The following PYCR3 variants were observed in gnomAD, a reference collection of about 807,000 sequenced individuals.
PYCR3 encodes pyrroline-5-carboxylate reductase 3.
Under a neutral mutation model 23.4 loss-of-function variants are expected in PYCR3, and 26 were observed. The observed-to-expected ratio is 1.11, with a 90% CI of 0.81 to 1.54. The LOEUF (loss-of-function observed/expected upper bound fraction) is 1.54, where lower values mean the gene tolerates loss of function less well. PYCR3 is among the 40% of genes most tolerant of loss of function. The pLI, the probability that PYCR3 is intolerant of heterozygous loss-of-function variation, is 0.00. For missense variants in PYCR3, 360 were observed against 376.3 expected (o/e 0.96, Z 0.36); for synonymous variants, 194 against 162.6 (o/e 1.19, Z -1.47).
Position 143,603,382 on chromosome 8 carries a change from C to T in PYCR3, c.*2318G>A, listed in dbSNP as rs567410630. Among the ~76,000 whole-genome samples, 1 of 152,300 alleles carries T rather than the reference C, an allele frequency of 6.6e-6. No homozygotes were observed. The highest frequency in any genetic ancestry group is 2.1e-4 in the South Asian group (1 of 4,816). ...TTTCTGTCTTGAAGAACAGTTTTCACCTGGAAGTAGAAGGCACAGGGGAGG... is the reference window on the plus strand; with the variant it reads ...TTTCTGTCTTGAAGAACAGTTTTCATCTGGAAGTAGAAGGCACAGGGGAGG... On this transcript the variant is annotated 3_prime_UTR_variant, in exon 6 of 6. Transcript: ENST00000495276.
intron 2 of PYCR3, among the ~76,000 whole-genome samples, chr8:143,607,705 C>T (rs1385328370): frequency 1.3e-5 from 2 of 152,098 alleles, no homozygotes; most frequent in Non-Finnish European, 2.9e-5. Flanking sequence ...CACTGACATA[C>T]ATGCACTCAC....
At chr8:143,608,451 G>A in intron 1 of PYCR3, 2 of 414,952 alleles carry the variant, frequency 4.8e-6, no homozygotes, top group Non-Finnish European at 8.8e-6. Flanking sequence ...AGTACCTCTG[G>A]AGGAACACCA....
In PYCR3 at chr8:143,605,374, C is replaced by T. The variant is rs530095378; in HGVS notation, c.*326G>A. The T allele has an allele frequency of 5.8e-5, 24 of 413,152 alleles. No individual in the cohort carries two copies. The highest frequency in any genetic ancestry group is 9.7e-5 in the Non-Finnish European group (22 of 226,670). 25.6% of individuals were successfully genotyped at this position (413,152 alleles called of 1,614,324 possible). ...AAGTTCTGTTCATGGCCTCAACCAA[C>T]TGCCCAACCATGCGGGCAAATGACC... On this transcript the variant is annotated 3_prime_UTR_variant, in exon 6 of 6. Coordinates refer to ENST00000495276, the MANE Select transcript of PYCR3 (RefSeq NM_023078.6).
In PYCR3 at chr8:143,604,939, C is replaced by T. The variant is rs574404534; in HGVS notation, c.*761G>A. 99 of 509,160 alleles carry T rather than the reference C, an allele frequency of 1.9e-4. No individual in the cohort carries two copies. The highest frequency in any genetic ancestry group is 2.8e-4 in the Non-Finnish European group (71 of 255,614). The allele number at this position is 509,160 out of a possible 1,614,324, so 31.5% of individuals were successfully genotyped here. On this transcript the variant is annotated 3_prime_UTR_variant, in exon 6 of 6. Coordinates refer to ENST00000495276, the MANE Select transcript of PYCR3 (RefSeq NM_023078.6). ...CTTAGGATTGGGAGGAAAGAGGGAGCCTGTATCCAGACTAAAGCCAGGGGT... is the reference window on the plus strand; with the variant it reads ...CTTAGGATTGGGAGGAAAGAGGGAGTCTGTATCCAGACTAAAGCCAGGGGT...
chr8:143,607,840 CACAT>C (rs1172733024), intron 2 of PYCR3, among the ~76,000 whole-genome samples: 1 of 152,184 alleles, frequency 6.6e-6, no homozygotes, highest in Non-Finnish European at 1.5e-5. Flanking sequence ...CATGCACTCA[CACAT>C]GCATACACAC....
At chr8:143,607,940 A>C in intron 2 of PYCR3, 122 bp downstream of exon 2, 1 of 736,934 alleles carries the variant, frequency 1.4e-6, no homozygotes, top group Non-Finnish European at 2.3e-6. Context: ...CAGACCAGCC[A>C]GTCTGCAAAC....
intron 2 of PYCR3, among the ~76,000 whole-genome samples, chr8:143,607,576 A>G (rs931588687): frequency 3.8e-4 from 58 of 152,202 alleles, no homozygotes; most frequent in African/African-American, 1.3e-3. Flanking sequence ...ATACACGCAC[A>G]CACGCACTCA....
At position 143,609,524 on chromosome 8, in the gene PYCR3, G is replaced by C. The variant is rs560080360; in HGVS notation, c.25C>G (p.Arg9Gly). MAAAEPSP[R>G]RVGFVGAGRM... is the part of the protein sequence containing the mutation. ...CCCGCGCCCACGAAGCCCACGCGCC[G>C]CGGAGACGGCTCCGCAGCTGCCATC... Residue 9 changes from arginine to glycine, a missense_variant, in exon 1 of 6, where the codon CGG becomes GGG. Arg to Gly is a moderately radical substitution (Grantham distance 125). Coordinates refer to ENST00000495276, the MANE Select transcript of PYCR3 (RefSeq NM_023078.6). 6.6e-7 allele frequency: 1 copy of C among 1,513,878 alleles called. No individual in the cohort carries two copies. Among genetic ancestry groups the C allele is most frequent in the Non-Finnish European group, 8.8e-7 (1 of 1,138,664 alleles). 93.8% of individuals were successfully genotyped at this position (1,513,878 alleles called of 1,614,324 possible).
Position 143,605,544 on chromosome 8 carries a change from G to C in PYCR3, c.*156C>G. On this transcript the variant is annotated 3_prime_UTR_variant, in exon 6 of 6. Coordinates refer to ENST00000495276, the MANE Select transcript of PYCR3 (RefSeq NM_023078.6). ...CTGGTCGGGGCTCCCCCGCCTGCTG[G>C]AACCTCCCAAGTCCTGCCCCCTGCA... The C allele has an allele frequency of 2.8e-6, 2 of 719,244 alleles. No individual in the cohort carries two copies. The highest frequency in any genetic ancestry group is 4.4e-6 in the Non-Finnish European group (2 of 449,814). The allele number at this position is 719,244 out of a possible 1,614,324, so 44.6% of individuals were successfully genotyped here.
In PYCR3 at chr8:143,604,224, A is replaced by G. The variant is rs1288402798; in HGVS notation, c.*1476T>C. ...TGGTTTTATCCACCTCTGGTGAAAC[A>G]TGAGCTCACTTGGTGCTCTCTGGCC... is the stretch of plus-strand genomic sequence containing the variant. On this transcript the variant is annotated 3_prime_UTR_variant, in exon 6 of 6. Coordinates refer to ENST00000495276, the MANE Select transcript of PYCR3 (RefSeq NM_023078.6). The G allele has an allele frequency of 6.6e-6, 1 of 152,236 alleles. No individual in the cohort carries two copies. The highest frequency in any genetic ancestry group is 1.5e-5 in the Non-Finnish European group (1 of 68,098). 9.4% of individuals were successfully genotyped at this position (152,236 alleles called of 1,614,324 possible). A position where few individuals can be genotyped will look rare whatever the true frequency, so the allele number is the denominator to read the frequency against.
chr8:143,606,421 C>T lies in PYCR3; in HGVS notation c.549+46G>A, dbSNP rs201560092. 8.7e-5 allele frequency: 138 copies of T among 1,593,580 alleles called. No individual in the cohort carries two copies. In the African/African-American group the frequency reaches 1.7e-3, roughly 20 times the overall value. On this transcript the variant is annotated intron_variant, in intron 4 of 5. Coordinates refer to ENST00000495276, the MANE Select transcript of PYCR3 (RefSeq NM_023078.6). The stretch of plus-strand genomic sequence containing the variant: ...CTGTCAGAGGGACTGGGGTGGGCCC[C>T]CTCTTTGCCGAGGGTGGGGCCGGGG...
intron 1 of PYCR3, 56 bp from the exon 2 acceptor site, chr8:143,608,182 G>A (rs945083812): frequency 1.4e-5 from 20 of 1,399,432 alleles, no homozygotes; most frequent in Middle Eastern, 4.7e-4. Flanking sequence ...AGGATGGCAC[G>A]GAGAGGAGAG....
Position 143,605,611 on chromosome 8 carries a change from T to C in PYCR3, c.*89A>G. ...GAGAAGGAGCAGTAGGAGACCCTCA[T>C]GCAGGAGGGAGGGAGCCGCAGTCCT... On this transcript the variant is annotated 3_prime_UTR_variant, in exon 6 of 6. Coordinates refer to ENST00000495276, the MANE Select transcript of PYCR3 (RefSeq NM_023078.6). 5 of 1,202,760 alleles carry C rather than the reference T, an allele frequency of 4.2e-6. No individual in the cohort carries two copies. The highest frequency in any genetic ancestry group is 2.8e-4 in the Middle Eastern group (1 of 3,514). The allele number at this position is 1,202,760 out of a possible 1,614,324, so 74.5% of individuals were successfully genotyped here.
Position 143,603,958 on chromosome 8 carries a change from G to T in PYCR3, c.*1742C>A, listed in dbSNP as rs1829321156. 1 of 151,742 alleles carries T rather than the reference G, an allele frequency of 6.6e-6. No individual in the cohort carries two copies. Among genetic ancestry groups the T allele is most frequent in the Admixed American group, 6.6e-5 (1 of 15,248 alleles). The allele number at this position is 151,742 out of a possible 1,614,324, so 9.4% of individuals were successfully genotyped here. On this transcript the variant is annotated 3_prime_UTR_variant, in exon 6 of 6. Coordinates refer to ENST00000495276, the MANE Select transcript of PYCR3 (RefSeq NM_023078.6). Reference sequence around the variant, plus strand: ...CACCCAGGCTGGAGTGCAGTGGCATGATCTTGGCTCTCTGCAATCTCCGCC... The same window carrying T: ...CACCCAGGCTGGAGTGCAGTGGCATTATCTTGGCTCTCTGCAATCTCCGCC...
At position 143,606,127 on chromosome 8, in the gene PYCR3, C is replaced by T; in HGVS notation, c.577G>A (p.Glu193Lys). Residue 193 changes from glutamate to lysine, a missense_variant, in exon 5 of 6, where the codon GAA becomes AAA. By Grantham distance (56) the Glu-to-Lys change is moderately conservative. Coordinates refer to ENST00000495276, the MANE Select transcript of PYCR3 (RefSeq NM_023078.6). ...GGCATGCCCATCTTGACGGCTCCTT[C>T]AGCCAGGGCCTCGGAGAATGCACAC... is the stretch of plus-strand genomic sequence containing the variant. ...FVCAFSEALA[E>K]GAVKMGMPSS... 1 of 1,610,304 alleles carries T rather than the reference C, an allele frequency of 6.2e-7. No homozygotes were observed.
Position 143,605,860 on chromosome 8 carries a change from T to A in PYCR3, c.665A>T (p.His222Leu). The change falls in exon 6 of 6, where the codon CAC (histidine) becomes CTC (leucine). Residue 222 changes from histidine to leucine, a missense_variant. Coordinates refer to ENST00000495276, the MANE Select transcript of PYCR3 (RefSeq NM_023078.6). ...TLLGTAKMLL[H>L]EGQHPAQLRS... ...CAGCTGGGCTGGGTGTTGGCCCTCG[T>A]GCAGCAGCATCTTGGCCGTCCCCTG... The A allele has an allele frequency of 6.2e-7, 1 of 1,609,260 alleles. No homozygotes were observed. The highest frequency in any genetic ancestry group is 8.5e-7 in the Non-Finnish European group (1 of 1,177,980).
At chr8:143,607,425 C>A (rs187079142) in intron 2 of PYCR3, among the ~76,000 whole-genome samples, 17 of 152,116 alleles carry the variant, frequency 1.1e-4, no homozygotes, top group Non-Finnish European at 2.2e-4. Flanking sequence ...CACGCACTCA[C>A]GAGCATGCAT....
In PYCR3 at chr8:143,606,977, C is replaced by G. The variant is rs200836438; in HGVS notation, c.312G>C (p.Gly104=). The part of the protein sequence containing the change: ...TEHILVSVAA[G]VSLSTLEELL... ...CCTCCTCCAGGGTGCTCAGAGACAC[C>G]CCAGCAGCCACGGACACCAAGATGT... The change falls in exon 3 of 6, where the codon GGG becomes GGC. Residue 104 remains glycine, a synonymous_variant. Transcript: ENST00000495276. 20 of 1,607,988 alleles carry G rather than the reference C, an allele frequency of 1.2e-5. No homozygotes were observed. The East Asian group carries it at 4.5e-4, about 36-fold the overall frequency.
intron 3 of PYCR3, 83 bp downstream of exon 3, chr8:143,606,870 G>A (rs1455129610): frequency 1.4e-5 from 21 of 1,471,496 alleles, no homozygotes; most frequent in Middle Eastern, 1.8e-4. Context: ...CACCTCTCAG[G>A]CTCTCTGGGG....
Sources: allele counts gnomAD v4.1 joint callset (sites outside exome capture counted in the v4.1 genomes callset), GRCh38; gene constraint gnomAD v4.1.1; transcripts MANE v1.5; gene names NCBI Gene and HGNC (gene_info 2026-07-23, HGNC 2026-07-21).